Variants in DMD observed in about 807,000 individuals in gnomAD.
DMD encodes dystrophin.
A neutral mutation model predicts 330.1 loss-of-function variants in DMD; 63 were observed. That is an observed-to-expected ratio of 0.19 (90% CI 0.16 to 0.24). DMD has a LOEUF of 0.24. DMD is among the 10% of genes least tolerant of loss of function. DMD has a pLI of 1.00. For missense variants in DMD, 3,344 were observed against 2,684.1 expected (o/e 1.25, Z -5.43); for synonymous variants, 1,223 against 959.8 (o/e 1.27, Z -5.07).
intron 17 of DMD, among the ~76,000 whole-genome samples, chrX:32,529,010 C>G (rs960019533): frequency 5.6e-5 from 6 of 106,536 alleles, no homozygotes; most frequent in African/African-American, 1.7e-4. Flanking sequence ...CAACCTCCGC[C>G]TCCCAGGTTC....
chrX:32,929,885 C>T (rs1164110536), intron 2 of DMD, among the ~76,000 whole-genome samples: 1 of 111,657 alleles, frequency 9.0e-6, no homozygotes, highest in African/African-American at 3.3e-5. Flanking sequence ...CTGCAAAGGA[C>T]ATAAACTCAT....
chrX:31,418,804 T>A (rs2063211356), intron 60 of DMD, among the ~76,000 whole-genome samples: 1 of 112,562 alleles, frequency 8.9e-6, no homozygotes, highest in Non-Finnish European at 1.9e-5. Flanking sequence ...GTGAGGGCTC[T>A]GTGCACATTT....
intron 44 of DMD, among the ~76,000 whole-genome samples, chrX:32,057,007 A>G (rs1377532652): frequency 9.0e-6 from 1 of 111,654 alleles, no homozygotes; most frequent in East Asian, 2.8e-4. Context: ...TAACAGAACA[A>G]AGGCTAAAAA....
At chrX:31,579,371 A>AT (rs1164577092) in intron 55 of DMD, among the ~76,000 whole-genome samples, 3 of 112,253 alleles carry the variant, frequency 2.7e-5, no homozygotes, top group African/African-American at 9.7e-5. Flanking sequence ...ATACTGAATA[A>AT]TTTGTCTTTC....
intron 1 of DMD, chrX:33,128,389 T>A: frequency 9.9e-7 from 1 of 1,007,836 alleles, no homozygotes; most frequent in East Asian, 3.7e-5. Context: ...TTGCCGTGAA[T>A]AGTGAGGTGT....
chrX:31,297,447 G>A (rs2054276240), intron 62 of DMD, among the ~76,000 whole-genome samples: 1 of 111,450 alleles, frequency 9.0e-6, no homozygotes, highest in African/African-American at 3.3e-5. Context: ...TCAGCATATC[G>A]AGAAGAAAGA....
chrX:32,979,623 C>G (rs2092648452), intron 2 of DMD, among the ~76,000 whole-genome samples: 1 of 111,595 alleles, frequency 9.0e-6, no homozygotes, highest in African/African-American at 3.3e-5. Context: ...GTAAAGAAAA[C>G]AAAGAAGAGT....
At chrX:31,729,941 A>G (rs1327195442) in intron 51 of DMD, among the ~76,000 whole-genome samples, 193 bp from the exon 52 acceptor site, 2 of 112,414 alleles carry the variant, frequency 1.8e-5, no homozygotes, top group African/African-American at 6.5e-5. Flanking sequence ...AAAATATTTC[A>G]AATGAAAATC....
In DMD at chrX:33,263,438, A is replaced by AATATATAT. The variant is rs765418939; in HGVS notation, c.7+75813_7+75820dup. ...ACCAGAGTCAGAGAGCTTTTTAAAAAATATATATATATATATATAGAAAAC... is the reference window on the plus strand; with the variant it reads ...ACCAGAGTCAGAGAGCTTTTTAAAAAATATATATATATATATATATATATATAGAAAAC... On this transcript the variant is annotated intron_variant, in intron 1 of 17. Coordinates refer to the DMD transcript ENST00000288447. 7.7e-3 allele frequency among the ~76,000 whole-genome samples: 800 copies of AATATATAT among 103,916 alleles called. 2 individuals carry two copies. The highest frequency in any genetic ancestry group is 0.026 in the African/African-American group (756 of 28,879). The allele number at this position is 103,916 out of a possible 115,157, so 90.2% of individuals were successfully genotyped here.
intron 5 of DMD, among the ~76,000 whole-genome samples, chrX:32,819,330 G>A (rs149281455): frequency 2.7e-5 from 3 of 110,693 alleles, no homozygotes; most frequent in South Asian, 3.8e-4. Flanking sequence ...GTGAATTAGC[G>A]TTGCCATTAA....
intron 43 of DMD, among the ~76,000 whole-genome samples, chrX:32,243,606 T>C (rs779676881): frequency 8.9e-6 from 1 of 111,914 alleles, no homozygotes; most frequent in African/African-American, 3.2e-5. Context: ...CCGTAGATAA[T>C]AGTGAAATAT....
chrX:32,874,601 A>T (rs757300925), intron 2 of DMD, among the ~76,000 whole-genome samples: 1 of 111,744 alleles, frequency 8.9e-6, no homozygotes, highest in East Asian at 2.8e-4. Flanking sequence ...CCACAAAATT[A>T]TTTGACACTT....
At chrX:31,904,602 G>A (rs984396872) in intron 47 of DMD, among the ~76,000 whole-genome samples, 3 of 111,364 alleles carry the variant, frequency 2.7e-5, no homozygotes, top group African/African-American at 9.8e-5. Context: ...GTTAGAGACC[G>A]AAGGAACTAA....
At chrX:32,425,453 T>C (rs1195669290) in intron 29 of DMD, among the ~76,000 whole-genome samples, 1 of 111,628 alleles carries the variant, frequency 9.0e-6, no homozygotes, top group Non-Finnish European at 1.9e-5. Flanking sequence ...GTCTTTCTAT[T>C]GGATCTTCCC....
intron 63 of DMD, among the ~76,000 whole-genome samples, chrX:31,259,229 T>G (rs1483552247): frequency 8.9e-6 from 1 of 111,847 alleles, no homozygotes; most frequent in African/African-American, 3.2e-5. Flanking sequence ...ATGTTAGAAG[T>G]GGGCTAAATC....
chrX:32,708,840 G>C (rs980498022), intron 7 of DMD, among the ~76,000 whole-genome samples: 2 of 111,524 alleles, frequency 1.8e-5, no homozygotes, highest in Admixed American at 1.9e-4. Context: ...ATCAGAATAA[G>C]GGGTTCAGTG....
At chrX:33,076,389 G>T (rs2094841598) in intron 1 of DMD, among the ~76,000 whole-genome samples, 1 of 111,283 alleles carries the variant, frequency 9.0e-6, no homozygotes, top group Non-Finnish European at 1.9e-5. Context: ...CTAGAGAGTG[G>T]GCAAGGTGAA....
At position 32,775,324 on chromosome X, in the gene DMD, C is replaced by A. The variant is rs917170119; in HGVS notation, c.649+34169G>T. Among the ~76,000 whole-genome samples the A allele has an allele frequency of 8.0e-5, 9 of 112,478 alleles. No individual in the cohort carries two copies. In the South Asian group the frequency reaches 1.1e-3, roughly 14 times the overall value. ...TCTCATGGCTCCACTAGGCAGTGCC[C>A]CAGTGAGGACTCTGTGGTGGGGGGA... On this transcript the variant is annotated intron_variant, in intron 7 of 78. Transcript: ENST00000357033.
At chrX:32,769,341 C>T (rs983602367) in intron 7 of DMD, among the ~76,000 whole-genome samples, 6 of 111,138 alleles carry the variant, frequency 5.4e-5, no homozygotes, top group Non-Finnish European at 7.5e-5. Flanking sequence ...TCAGATCTCA[C>T]GAGACTTACC....
Sources: allele counts gnomAD v4.1 joint callset (sites outside exome capture counted in the v4.1 genomes callset), GRCh38; gene constraint gnomAD v4.1.1; transcripts MANE v1.5; gene names NCBI Gene and HGNC (gene_info 2026-07-23, HGNC 2026-07-21).